The following MPZL1 variants were observed in gnomAD, a reference collection of about 807,000 sequenced individuals.
MPZL1 encodes myelin protein zero-like protein 1.
Under a neutral mutation model 29.3 loss-of-function variants are expected in MPZL1, and 16 were observed. The ratio of observed to expected loss-of-function variants is 0.55; its 90% CI spans 0.37 to 0.83. MPZL1 has a LOEUF of 0.83. Ranked by LOEUF, MPZL1 falls within the 40% of genes least tolerant of loss-of-function variation. The pLI is 0.00. For synonymous variants in MPZL1, 143 were observed against 132.0 expected, an observed-to-expected ratio of 1.08 and a Z score of -0.57; for missense variants, 279 against 332.9, an observed-to-expected ratio of 0.84 and a Z score of 1.26.
intron 4 of MPZL1, 140 bp from the exon 5 acceptor site, chr1:167,775,924 T>TGACA (rs1661356507): frequency 2.1e-6 from 1 of 482,152 alleles, no homozygotes; most frequent in Non-Finnish European, 3.5e-6. Context: ...GTGATCATTT[T>TGACA]GACACCCATT....
intron 1 of MPZL1, among the ~76,000 whole-genome samples, chr1:167,739,678 A>C (rs1660475613): frequency 6.6e-6 from 1 of 152,114 alleles, no homozygotes; most frequent in Admixed American, 6.5e-5. Context: ...TACCTGGGGA[A>C]TATAGCTAGA....
At chr1:167,781,944 T>C (rs1156747587) in intron 5 of MPZL1, among the ~76,000 whole-genome samples, 1 of 152,152 alleles carries the variant, frequency 6.6e-6, no homozygotes, top group Admixed American at 6.5e-5. Context: ...AGTCACAATC[T>C]CTTTGAATTT....
intron 1 of MPZL1, among the ~76,000 whole-genome samples, chr1:167,746,012 G>A (rs1418710210): frequency 2.0e-5 from 3 of 152,072 alleles, no homozygotes; most frequent in Admixed American, 1.3e-4. Context: ...CCTCAGTGGT[G>A]TCTTCAATTA....
At chr1:167,758,095 A>T (rs1294418460) in intron 1 of MPZL1, among the ~76,000 whole-genome samples, 1 of 151,954 alleles carries the variant, frequency 6.6e-6, no homozygotes, top group African/African-American at 2.4e-5. Context: ...TGGAGGTTGC[A>T]GTGAGTTGAG....
chr1:167,781,620 AT>A (rs1159335631), intron 5 of MPZL1, among the ~76,000 whole-genome samples: 1 of 145,236 alleles, frequency 6.9e-6, no homozygotes, highest in Non-Finnish European at 1.5e-5. Context: ...TTAGAAAAAA[AT>A]AAAGCTCTAA....
rs934462186 is a variant in MPZL1 at position 167,766,990 on chromosome 1, C to G, written c.258+1241C>G. Among the ~76,000 whole-genome samples, 4 of 151,948 alleles carry G rather than the reference C, an allele frequency of 2.6e-5. No homozygotes were observed. The East Asian group carries it at 7.7e-4, about 29-fold the overall frequency. ...TTTCACATTTTTCTTAATCTCTGCC[C>G]CCTTCCATGAAATTTTAATATTGTA... On this transcript the variant is annotated intron_variant, in intron 2 of 5. Transcript: ENST00000359523.
In MPZL1 at chr1:167,739,282, CATATAT is replaced by C. The variant is rs71959233; in HGVS notation, c.91+17062_91+17067del. ...ATACACATACATATATACATATATA[CATATAT>C]ATATATATATATATATATATACACA... On this transcript the variant is annotated intron_variant, in intron 1 of 5. Transcript: ENST00000359523. 2.1e-4 allele frequency among the ~76,000 whole-genome samples: 19 copies of C among 90,416 alleles called. 2 individuals are homozygous for C. The highest frequency in any genetic ancestry group is 1.9e-3 in the East Asian group (7 of 3,622). The allele number at this position is 90,416 out of a possible 152,430, so 59.3% of individuals were successfully genotyped here. A position where few individuals can be genotyped will look rare whatever the true frequency, so the allele number is the denominator to read the frequency against.
intron 5 of MPZL1, among the ~76,000 whole-genome samples, chr1:167,778,551 T>A (rs974228291): frequency 1.5e-4 from 23 of 151,348 alleles, no homozygotes; most frequent in South Asian, 2.1e-4. Flanking sequence ...GATGGATGGA[T>A]GGATGGATGG....
At chr1:167,738,720 C>G (rs1301700474) in intron 1 of MPZL1, among the ~76,000 whole-genome samples, 1 of 152,040 alleles carries the variant, frequency 6.6e-6, no homozygotes, top group East Asian at 1.9e-4. Flanking sequence ...CCTCCTCTCT[C>G]TCTTGCTCCT....
chr1:167,741,918 A>C (rs1660536539), intron 1 of MPZL1, among the ~76,000 whole-genome samples: 1 of 152,090 alleles, frequency 6.6e-6, no homozygotes, highest in Non-Finnish European at 1.5e-5. Context: ...CTGTAGTCCC[A>C]GCTACTCAGG....
chr1:167,732,831 C>G (rs1660298753), intron 1 of MPZL1, among the ~76,000 whole-genome samples: 1 of 152,180 alleles, frequency 6.6e-6, no homozygotes, highest in Admixed American at 6.5e-5. Context: ...TGGTCTCGAG[C>G]TCCTGACCTC....
intron 2 of MPZL1, 69 bp downstream of exon 2, chr1:167,765,818 T>A (rs1661105200): frequency 2.9e-6 from 4 of 1,370,554 alleles, no homozygotes. Flanking sequence ...TAATTGGTGA[T>A]CCATTTTTCT....
intron 1 of MPZL1, among the ~76,000 whole-genome samples, chr1:167,740,823 T>C (rs915452329): frequency 1.3e-5 from 2 of 152,196 alleles, no homozygotes; most frequent in Admixed American, 6.5e-5. Context: ...TTGCTTTCTA[T>C]TCCTTCTCTC....
chr1:167,779,310 G>A (rs376646562), intron 5 of MPZL1, among the ~76,000 whole-genome samples: 94 of 152,200 alleles, frequency 6.2e-4, no homozygotes, highest in Non-Finnish European at 9.4e-4. Flanking sequence ...ATTGCTGGGC[G>A]CAGTGACTCA....
intron 4 of MPZL1, chr1:167,773,597 G>A (rs1412866925): frequency 2.3e-6 from 1 of 443,104 alleles, no homozygotes; most frequent in Non-Finnish European, 3.9e-6. Context: ...TCCTTCTTAG[G>A]TTTGGTGAGA....
chr1:167,765,802 G>A, intron 2 of MPZL1, 53 bp downstream of exon 2: 1 of 1,453,580 alleles, frequency 6.9e-7, no homozygotes, highest in Non-Finnish European at 9.2e-7. Flanking sequence ...TTTCTTTACT[G>A]CTGTATAATT....
intron 5 of MPZL1, among the ~76,000 whole-genome samples, chr1:167,783,805 A>G (rs1661539548): frequency 6.6e-6 from 1 of 152,226 alleles, no homozygotes; most frequent in South Asian, 2.1e-4. Context: ...AAAGAAAGTC[A>G]TAATACATAG....
intron 5 of MPZL1, among the ~76,000 whole-genome samples, chr1:167,786,428 A>G (rs756820793): frequency 7.2e-5 from 11 of 152,254 alleles, no homozygotes; most frequent in Non-Finnish European, 1.3e-4. Context: ...TGTAGATATT[A>G]TTAGTAGTAC....
At chr1:167,778,220 C>T (rs1222909024) in intron 5 of MPZL1, among the ~76,000 whole-genome samples, 1 of 151,804 alleles carries the variant, frequency 6.6e-6, no homozygotes, top group Non-Finnish European at 1.5e-5. Context: ...ACTCAGGAGG[C>T]TGAGGCAGGA....
Sources: gnomAD v4.1 joint callset for allele counts (sites outside exome capture counted in the v4.1 genomes callset) on GRCh38, gnomAD v4.1.1 for gene constraint, MANE v1.5 for transcripts, NCBI Gene and HGNC (gene_info 2026-07-23, HGNC 2026-07-21) for gene names.